The following SLC38A8 variants were observed in gnomAD, a reference collection of about 807,000 sequenced individuals.
SLC38A8 encodes the protein solute carrier family 38 member 8.
SLC38A8 carries 65 observed loss-of-function variants against 46.0 expected under a neutral mutation model. The observed-to-expected ratio is 1.41, with a 90% CI of 1.16 to 1.74. SLC38A8 has a LOEUF of 1.74. SLC38A8 is among the 40% of genes most tolerant of loss of function. The pLI is 0.00. For synonymous variants in SLC38A8, 447 were observed against 243.7 expected, an observed-to-expected ratio of 1.83 and a Z score of -7.77; for missense variants, 998 against 567.9, an observed-to-expected ratio of 1.76 and a Z score of -7.70.
intron 5 of SLC38A8, among the ~76,000 whole-genome samples, chr16:84,031,495 G>T (rs539316611): frequency 6.6e-6 from 1 of 152,124 alleles, no homozygotes; most frequent in Non-Finnish European, 1.5e-5. Context: ...CCCTTGTTCC[G>T]GCTGGCTTGG....
At chr16:84,010,213 G>A (rs546697847) in intron 10 of SLC38A8, among the ~76,000 whole-genome samples, 7 of 151,362 alleles carry the variant, frequency 4.6e-5, no homozygotes, top group African/African-American at 1.5e-4. Context: ...TGGGACTACA[G>A]ACACACACGA....
intron 3 of SLC38A8, among the ~76,000 whole-genome samples, chr16:84,035,241 A>T (rs1356545568): frequency 6.6e-6 from 1 of 152,100 alleles, no homozygotes; most frequent in Non-Finnish European, 1.5e-5. Flanking sequence ...ACTGTGGGGG[A>T]GCAGGACGTT....
intron 2 of SLC38A8, among the ~76,000 whole-genome samples, chr16:84,038,822 G>C (rs761673091): frequency 2.0e-5 from 3 of 152,106 alleles, no homozygotes; most frequent in Non-Finnish European, 4.4e-5. Context: ...TGATTGATCC[G>C]TATCGGGCGC....
At chr16:84,011,969 G>C (rs991957068) in intron 10 of SLC38A8, among the ~76,000 whole-genome samples, 5 of 152,292 alleles carry the variant, frequency 3.3e-5, no homozygotes, top group South Asian at 4.1e-4. Context: ...GCAGAGACTG[G>C]AGTGATGTAG....
At chr16:84,039,872 A>C (rs2085348895) in intron 2 of SLC38A8, 1 of 152,096 alleles carries the variant, frequency 6.6e-6, no homozygotes, top group South Asian at 2.1e-4. Flanking sequence ...CAGAACCGCA[A>C]GGAGCCCCGG....
intron 9 of SLC38A8, among the ~76,000 whole-genome samples, chr16:84,015,281 T>C (rs1295210736): frequency 2.6e-5 from 4 of 152,072 alleles, no homozygotes; most frequent in Non-Finnish European, 5.9e-5. Flanking sequence ...CCTTTTCCAC[T>C]GGAAGAAGCA....
chr16:84,032,351 G>A (rs901536276), intron 4 of SLC38A8, among the ~76,000 whole-genome samples: 2 of 152,114 alleles, frequency 1.3e-5, no homozygotes, highest in East Asian at 3.9e-4. Context: ...CCCACGCCTC[G>A]CTAATTTTTG....
chr16:84,037,554 A>G (rs1255740041), intron 2 of SLC38A8, among the ~76,000 whole-genome samples: 1 of 152,114 alleles, frequency 6.6e-6, no homozygotes, highest in Non-Finnish European at 1.5e-5. Flanking sequence ...TGAGGTCAGG[A>G]GTTTGAGACC....
intron 7 of SLC38A8, among the ~76,000 whole-genome samples, chr16:84,018,310 G>A (rs2085056188): frequency 7.3e-6 from 1 of 136,810 alleles, no homozygotes; most frequent in South Asian, 2.3e-4. Flanking sequence ...TCGGCTCACT[G>A]CAAGCTCCGC....
Position 84,039,729 on chromosome 16 carries a change from G to C in SLC38A8, c.189+2240C>G, listed in dbSNP as rs541492797. Among the ~76,000 whole-genome samples the C allele has an allele frequency of 7.0e-3, 884 of 126,516 alleles. 5 individuals carry two copies. The highest frequency in any genetic ancestry group is 9.4e-3 in the Non-Finnish European group (593 of 62,812). 83.0% of individuals were successfully genotyped at this position (126,516 alleles called of 152,430 possible). On this transcript the variant is annotated intron_variant, in intron 2 of 10. Transcript: ENST00000299709. Reference sequence around the variant, plus strand: ...CGCCATTGCACTCCAGCCTGGGCAAGAGAGTGAGACCTTCAAAAAAAAAAA... The same window carrying C: ...CGCCATTGCACTCCAGCCTGGGCAACAGAGTGAGACCTTCAAAAAAAAAAA...
chr16:84,039,070 T>C (rs2085336509), intron 2 of SLC38A8, among the ~76,000 whole-genome samples: 1 of 152,090 alleles, frequency 6.6e-6, no homozygotes, highest in African/African-American at 2.4e-5. Context: ...CTCAACCCAT[T>C]GAGGTATGTC....
At chr16:84,014,157 G>GC (rs1342974168) in intron 9 of SLC38A8, among the ~76,000 whole-genome samples, 1 of 151,188 alleles carries the variant, frequency 6.6e-6, no homozygotes, top group East Asian at 2.0e-4. Context: ...GAGCTATGTG[G>GC]CCACACCCCT....
intron 6 of SLC38A8, among the ~76,000 whole-genome samples, chr16:84,028,575 A>AG (rs1476108957): frequency 6.6e-6 from 1 of 151,002 alleles, no homozygotes; most frequent in East Asian, 1.9e-4. Flanking sequence ...AAAAAGAAAA[A>AG]AAAAAAAAGA....
At chr16:84,014,620 G>A (rs7194594) in intron 9 of SLC38A8, among the ~76,000 whole-genome samples, 2 of 152,146 alleles carry the variant, frequency 1.3e-5, no homozygotes, top group South Asian at 2.1e-4. Flanking sequence ...GAGAGCTCTG[G>A]GCAGAGCCAG....
At position 84,022,873 on chromosome 16, in the gene SLC38A8, A is replaced by G; in HGVS notation, c.707T>C (p.Val236Ala). 1 of 1,606,204 alleles carries G rather than the reference A, an allele frequency of 6.2e-7. No individual in the cohort carries two copies. Among genetic ancestry groups the G allele is most frequent in the South Asian group, 1.1e-5 (1 of 89,868 alleles). Residue 236 changes from valine (V) to alanine (A), a missense_variant, in exon 7 of 11, where the codon GTC becomes GCC. Val to Ala is a moderately conservative substitution (Grantham distance 64, BLOSUM62 0). Coordinates refer to ENST00000299709, the MANE Select transcript of SLC38A8 (RefSeq NM_001080442.3). ...TTTGCGCATGCTGCAGTAGATGGAG[A>G]CGGCAGCTTCGTGACACTGTAAGAC... ...CFGFQCHEAA[V>A]SIYCSMRKRS... is the part of the protein sequence containing the mutation.
chr16:84,014,783 T>C (rs2085005239), intron 9 of SLC38A8, among the ~76,000 whole-genome samples: 2 of 152,304 alleles, frequency 1.3e-5, no homozygotes, highest in South Asian at 4.1e-4. Context: ...GAATCTTAAT[T>C]CACCTGCTAA....
At chr16:84,023,797 G>A (rs955773290) in intron 6 of SLC38A8, among the ~76,000 whole-genome samples, 1 of 152,228 alleles carries the variant, frequency 6.6e-6, no homozygotes, top group Non-Finnish European at 1.5e-5. Context: ...AGGAAGCTGA[G>A]GCAGGTGAAT....
At chr16:84,033,197 T>A in intron 4 of SLC38A8, 131 bp downstream of exon 4, 1 of 1,237,862 alleles carries the variant, frequency 8.1e-7, no homozygotes, top group Non-Finnish European at 1.1e-6. Context: ...TTGTATAATT[T>A]TTTTTTCGTT....
At chr16:84,036,649 G>A in intron 3 of SLC38A8, 53 bp downstream of exon 3, 5 of 1,598,046 alleles carry the variant, frequency 3.1e-6, no homozygotes, top group Non-Finnish European at 3.4e-6. Flanking sequence ...ACTCCAAGAG[G>A]TCATTAGAGG....
Sources: gnomAD v4.1 joint callset for allele counts (sites outside exome capture counted in the v4.1 genomes callset) on GRCh38, gnomAD v4.1.1 for gene constraint, MANE v1.5 for transcripts, NCBI Gene and HGNC (gene_info 2026-07-23, HGNC 2026-07-21) for gene names.